The following DCC variants were observed in gnomAD, a reference collection of about 807,000 sequenced individuals.
The protein encoded by DCC is netrin receptor DCC.
Under a neutral mutation model 172.5 loss-of-function variants are expected in DCC, and 58 were observed. The ratio of observed to expected loss-of-function variants is 0.34; its 90% CI spans 0.27 to 0.42. The LOEUF is 0.42. DCC is among the 10% of genes least tolerant of loss of function. The pLI, the probability that DCC is intolerant of heterozygous loss-of-function variation, is 1.00. For missense variants in DCC, 1,740 were observed against 1,791.0 expected, an observed-to-expected ratio of 0.97 and a Z score of 0.51; for synonymous variants, 709 against 644.5, an observed-to-expected ratio of 1.10 and a Z score of -1.52.
At chr18:52,765,911 A>T (rs574407113) in intron 2 of DCC, among the ~76,000 whole-genome samples, 2 of 152,330 alleles carry the variant, frequency 1.3e-5, no homozygotes, top group South Asian at 4.1e-4. Context: ...TCTATCTTCT[A>T]TGCTTATTGT....
At chr18:53,419,009 C>T (rs1295348410) in intron 21 of DCC, among the ~76,000 whole-genome samples, 2 of 152,106 alleles carry the variant, frequency 1.3e-5, no homozygotes, top group African/African-American at 4.8e-5. Flanking sequence ...CTTCCAGGCA[C>T]AGGTGGCAAA....
intron 21 of DCC, among the ~76,000 whole-genome samples, chr18:53,426,058 G>T (rs1056052859): frequency 6.6e-6 from 1 of 151,172 alleles, no homozygotes; most frequent in African/African-American, 2.4e-5. Context: ...CCACCTCACG[G>T]TTCTCTACCT....
chr18:53,296,961 G>C (rs1598994889), intron 12 of DCC, among the ~76,000 whole-genome samples: 1 of 152,278 alleles, frequency 6.6e-6, no homozygotes, highest in East Asian at 1.9e-4. Flanking sequence ...TTTTGCTAGA[G>C]TAACTGACTG....
At chr18:53,000,309 C>A (rs1293281475) in intron 5 of DCC, among the ~76,000 whole-genome samples, 1 of 151,978 alleles carries the variant, frequency 6.6e-6, no homozygotes, top group Non-Finnish European at 1.5e-5. Context: ...GTAAGCGGTG[C>A]CCCTTGATGA....
At chr18:53,211,735 A>G (rs151037640) in intron 11 of DCC, among the ~76,000 whole-genome samples, 3,373 of 152,058 alleles carry the variant, frequency 0.022, 140 homozygotes, top group African/African-American at 0.078. Flanking sequence ...AAAATAAAAT[A>G]AAATAAAATA....
intron 3 of DCC, among the ~76,000 whole-genome samples, chr18:52,920,615 A>G (rs1376481817): frequency 2.6e-5 from 4 of 152,142 alleles, no homozygotes; most frequent in African/African-American, 4.8e-5. Flanking sequence ...ACTTCAGAGG[A>G]CAGTTTGGCA....
intron 22 of DCC, among the ~76,000 whole-genome samples, chr18:53,443,139 G>A (rs370052969): frequency 2.0e-5 from 3 of 152,158 alleles, no homozygotes; most frequent in African/African-American, 7.2e-5. Flanking sequence ...CAAAAGAACC[G>A]TATATTGGAA....
intron 1 of DCC, among the ~76,000 whole-genome samples, chr18:52,710,149 C>A (rs112384578): frequency 1.3e-5 from 2 of 152,196 alleles, no homozygotes. Context: ...ATGCTTATTG[C>A]AGCTGCATTT....
chr18:52,480,421 A>G (rs895567325), intron 1 of DCC, among the ~76,000 whole-genome samples: 5 of 152,142 alleles, frequency 3.3e-5, no homozygotes, highest in Admixed American at 2.6e-4. Flanking sequence ...GAAAGATCTT[A>G]TGAGGTCTGA....
chr18:52,542,161 A>G (rs1208865132), intron 1 of DCC, among the ~76,000 whole-genome samples: 2 of 151,700 alleles, frequency 1.3e-5, no homozygotes, highest in African/African-American at 2.4e-5. Flanking sequence ...AACAAAATGT[A>G]TAGTTTTTAC....
chr18:53,484,686 A>C (rs146116983), intron 25 of DCC, among the ~76,000 whole-genome samples: 1 of 152,052 alleles, frequency 6.6e-6, no homozygotes, highest in African/African-American at 2.4e-5. Flanking sequence ...GGAAGAGACT[A>C]TACCTTTTTA....
intron 7 of DCC, among the ~76,000 whole-genome samples, chr18:53,082,535 T>C (rs2042821469): frequency 6.6e-6 from 1 of 152,080 alleles, no homozygotes; most frequent in Non-Finnish European, 1.5e-5. Flanking sequence ...TTAATTAAAA[T>C]AAATATATGA....
chr18:53,072,092 G>C (rs2042660093), intron 7 of DCC, among the ~76,000 whole-genome samples: 1 of 152,086 alleles, frequency 6.6e-6, no homozygotes. Flanking sequence ...TCAAGCTACT[G>C]AACTCCAGCC....
chr18:53,398,042 A>G (rs1200409954), intron 18 of DCC, among the ~76,000 whole-genome samples: 1 of 152,128 alleles, frequency 6.6e-6, no homozygotes, highest in Non-Finnish European at 1.5e-5. Context: ...TTTACTATGG[A>G]TCGTAAATGT....
At chr18:53,379,098 A>C (rs1185142019) in intron 15 of DCC, among the ~76,000 whole-genome samples, 1 of 152,226 alleles carries the variant, frequency 6.6e-6, no homozygotes, top group Non-Finnish European at 1.5e-5. Flanking sequence ...AGTGGGGTCA[A>C]AGGTGTTCAG....
At chr18:53,107,507 T>C in intron 7 of DCC, among the ~76,000 whole-genome samples, 1 of 143,750 alleles carries the variant, frequency 7.0e-6, no homozygotes. Context: ...TAATCTTTAC[T>C]TCAAACTTTG....
At chr18:52,653,202 G>A (rs771258118) in intron 1 of DCC, among the ~76,000 whole-genome samples, 12 of 152,090 alleles carry the variant, frequency 7.9e-5, no homozygotes, top group Non-Finnish European at 1.2e-4. Flanking sequence ...ATTTTTGATG[G>A]CATGAAAGGT....
chr18:52,476,606 G>A (rs1364503104), intron 1 of DCC, among the ~76,000 whole-genome samples: 1 of 152,100 alleles, frequency 6.6e-6, no homozygotes, highest in Non-Finnish European at 1.5e-5. Flanking sequence ...ACAAATTAAT[G>A]TGGTGTCTCT....
At chr18:52,372,328 T>G (rs1451651327) in intron 1 of DCC, among the ~76,000 whole-genome samples, 1 of 152,144 alleles carries the variant, frequency 6.6e-6, no homozygotes, top group Non-Finnish European at 1.5e-5. Context: ...TGAGGGAGTT[T>G]ATTCTCTCTT....
Sources: gnomAD v4.1 joint callset for allele counts (sites outside exome capture counted in the v4.1 genomes callset) on GRCh38, gnomAD v4.1.1 for gene constraint, MANE v1.5 for transcripts, NCBI Gene and HGNC (gene_info 2026-07-23, HGNC 2026-07-21) for gene names.